Variants in TRIML2 observed in about 807,000 individuals in gnomAD.
TRIML2 encodes the protein probable E3 ubiquitin-protein ligase TRIML2.
In TRIML2, 28 loss-of-function variants were observed where a neutral mutation model predicts 31.2. The observed-to-expected ratio is 0.90, with a 90% CI of 0.66 to 1.23. TRIML2 has a LOEUF of 1.23. Ranked by LOEUF, TRIML2 falls within the 50% of genes most tolerant of loss-of-function variation. The pLI, the probability that TRIML2 is intolerant of heterozygous loss-of-function variation, is 0.00. For missense variants in TRIML2, 536 were observed against 528.3 expected (o/e 1.01, Z -0.14); for synonymous variants, 187 against 197.5 (o/e 0.95, Z 0.45).
rs1258565430 is a variant in TRIML2 at position 188,095,810 on chromosome 4, AAGGAT to A, written c.745+1246_745+1250del. On this transcript the variant is annotated intron_variant, in intron 7 of 7. Transcript: ENST00000682553. ...ACAACCCATGTCCGTAGAATTGCAA[AAGGAT>A]AAGTAAATTATGGTATATTTATACA... is the stretch of plus-strand genomic sequence containing the variant. Among the ~76,000 whole-genome samples, 3 of 152,222 alleles carry A rather than the reference AAGGAT, an allele frequency of 2.0e-5. No homozygotes were observed. In the East Asian group the frequency reaches 5.8e-4, roughly 29 times the overall value.
rs1733562098 is a variant in TRIML2, at chr4:188,097,304, T to C, written c.644+20A>G. On this transcript the variant is annotated intron_variant, in intron 6 of 7. Transcript: ENST00000682553. ...CTGGACTCTGATTCTCACCCAATTG[T>C]ATCCAAAATGAAAACTCACCTTTCT... 6.2e-7 allele frequency: 1 copy of C among 1,613,310 alleles called. No homozygotes were observed. Among genetic ancestry groups the C allele is most frequent in the Non-Finnish European group, 8.5e-7 (1 of 1,179,442 alleles).
At position 188,106,972 on chromosome 4, in the gene TRIML2, GA is replaced by G. The variant is rs200723986; in HGVS notation, c.-222-1383del. On this transcript the variant is annotated intron_variant, in intron 1 of 7. Transcript: ENST00000682553. ...CTCTATTAAAAAAGCCACTTAGCTC[GA>G]AAACTTTTTTCTCAGAAAAATGTTT... The G allele has an allele frequency of 3.6e-4, 64 of 175,512 alleles. No homozygotes were observed. In the East Asian group the frequency reaches 9.4e-3, roughly 26 times the overall value. 10.9% of individuals were successfully genotyped at this position (175,512 alleles called of 1,614,324 possible).
At chr4:188,098,127 A>C in intron 5 of TRIML2, 1 of 264,706 alleles carries the variant, frequency 3.8e-6, no homozygotes, top group Non-Finnish European at 7.8e-6. Context: ...CTCGGGGAAA[A>C]AAAAAAAAAA....
chr4:188,102,122 T>A (rs772809307), intron 3 of TRIML2, among the ~76,000 whole-genome samples: 453 of 125,870 alleles, frequency 3.6e-3, no homozygotes, highest in Admixed American at 6.1e-3. Context: ...AGAGGGAGAC[T>A]CCATCTTAAA....
intron 7 of TRIML2, among the ~76,000 whole-genome samples, chr4:188,092,165 A>T (rs928450774): frequency 6.6e-6 from 1 of 152,070 alleles, no homozygotes; most frequent in Admixed American, 6.6e-5. Flanking sequence ...AGTCTACCTG[A>T]GCGGGAAGAA....
At position 188,091,395 on chromosome 4, in the gene TRIML2, C is replaced by T. The variant is rs761657088; in HGVS notation, c.1292G>A (p.Cys431Tyr). The T allele has an allele frequency of 7.4e-6, 12 of 1,613,842 alleles. No individual in the cohort carries two copies. The highest frequency in any genetic ancestry group is 8.5e-6 in the Non-Finnish European group (10 of 1,179,776). Residue 431 changes from cysteine to tyrosine, a missense_variant, in exon 8 of 8, where the codon TGT (cysteine) becomes TAT (tyrosine). Coordinates refer to ENST00000682553, the MANE Select transcript of TRIML2 (RefSeq NM_173553.4). The part of the protein sequence containing the change: ...SLTILQHGPS[C>Y]DATVSP Reference sequence around the variant, plus strand: ...AGATTAAGGGCTAACAGTAGCATCACAAGAAGGACCATGTTGTAAGATGGT... The same window carrying T: ...AGATTAAGGGCTAACAGTAGCATCATAAGAAGGACCATGTTGTAAGATGGT...
At chr4:188,103,005 G>GTTTTTTT (rs145048322) in intron 3 of TRIML2, among the ~76,000 whole-genome samples, 7 of 97,872 alleles carry the variant, frequency 7.2e-5, no homozygotes, top group African/African-American at 1.6e-4. Context: ...TACTCTCTTG[G>GTTTTTTT]TTTTTTTTTT....
chr4:188,103,018 T>TG (rs1733868333), intron 3 of TRIML2, among the ~76,000 whole-genome samples: 8 of 113,496 alleles, frequency 7.0e-5, no homozygotes, highest in African/African-American at 1.6e-4. Flanking sequence ...TTTTTTTTTT[T>TG]TTTTTTTTTT....
rs954322953 is a variant in TRIML2, at chr4:188,098,348, T to C, written c.621+687A>G. On this transcript the variant is annotated intron_variant, in intron 5 of 7. Coordinates refer to ENST00000682553, the MANE Select transcript of TRIML2 (RefSeq NM_173553.4). ...AGCCTCCATCTCCAGCCTCACAAGC[T>C]GAAGGGGTGAGGTCTTCCTCGGCCT... The C allele has an allele frequency of 3.6e-5, 14 of 392,240 alleles. No homozygotes were observed. In the Admixed American group the frequency reaches 4.3e-4, roughly 12 times the overall value. 24.3% of individuals were successfully genotyped at this position (392,240 alleles called of 1,614,324 possible).
In TRIML2 at chr4:188,101,094, C is replaced by T. The variant is rs1733764230; in HGVS notation, c.442G>A (p.Ala148Thr). The T allele has an allele frequency of 6.2e-7, 1 of 1,613,292 alleles. No homozygotes were observed. Reference protein sequence around the residue: ...ETLLNQAIKLATELEEMFQEM... With the variant: ...ETLLNQAIKLTTELEEMFQEM... ...TGGAACATCTCCTCTAGCTCGGTGG[C>T]AAGCTTGATCGCTTGATTCAGAAGG... Residue 148 changes from alanine to threonine, a missense_variant, in exon 4 of 8, where the codon GCC (alanine) becomes ACC (threonine). Transcript: ENST00000682553.
At position 188,105,429 on chromosome 4, in the gene TRIML2, A is replaced by G. The variant is rs2111190556; in HGVS notation, c.-61T>C. 1 of 1,262,744 alleles carries G rather than the reference A, an allele frequency of 7.9e-7. No homozygotes were observed. Among genetic ancestry groups the G allele is most frequent in the South Asian group, 1.9e-5 (1 of 52,402 alleles). 78.2% of individuals were successfully genotyped at this position (1,262,744 alleles called of 1,614,324 possible). A position where few individuals can be genotyped will look rare whatever the true frequency, so the allele number is the denominator to read the frequency against. ...TGCTTCTACTGAGGTATCTCCCTGCACTGTGAATGAGAAAAAATGGTGGCT... is the reference window on the plus strand; with the variant it reads ...TGCTTCTACTGAGGTATCTCCCTGCGCTGTGAATGAGAAAAAATGGTGGCT... On this transcript the variant is annotated 5_prime_UTR_variant, in exon 2 of 8. Transcript: ENST00000682553.
intron 5 of TRIML2, 148 bp downstream of exon 5, chr4:188,098,887 T>C (rs1182735024): frequency 1.1e-5 from 10 of 870,498 alleles, no homozygotes; most frequent in Middle Eastern, 3.5e-4. Context: ...CTAAAGCTTT[T>C]GGCAGCTGAA....
At chr4:188,108,273 G>T (rs1401109122) in intron 1 of TRIML2, among the ~76,000 whole-genome samples, 1 of 152,032 alleles carries the variant, frequency 6.6e-6, no homozygotes, top group African/African-American at 2.4e-5. Flanking sequence ...TCAATCTCCT[G>T]CCCAATTCCC....
intron 1 of TRIML2, among the ~76,000 whole-genome samples, chr4:188,107,142 G>A (rs1228590102): frequency 2.6e-5 from 4 of 152,050 alleles, no homozygotes; most frequent in Admixed American, 6.6e-5. Context: ...AGCCTCCCGA[G>A]TAGCTGGGAC....
chr4:188,097,709 C>A (rs1381716307), intron 5 of TRIML2, among the ~76,000 whole-genome samples: 2 of 152,142 alleles, frequency 1.3e-5, no homozygotes. Flanking sequence ...CCAGGCAGAG[C>A]CACACCTGCC....
intron 3 of TRIML2, among the ~76,000 whole-genome samples, chr4:188,101,860 G>A (rs1314371372): frequency 6.6e-6 from 1 of 151,964 alleles, no homozygotes; most frequent in East Asian, 2.0e-4. Context: ...GCTGGGCGCG[G>A]TGGTTCACGC....
intron 3 of TRIML2, among the ~76,000 whole-genome samples, chr4:188,101,651 G>A (rs922037336): frequency 2.6e-5 from 4 of 151,790 alleles, no homozygotes; most frequent in Admixed American, 2.0e-4. Context: ...CAGAGATTAC[G>A]CCACTGCACT....
At chr4:188,100,210 C>G (rs1285866615) in intron 4 of TRIML2, among the ~76,000 whole-genome samples, 2 of 152,130 alleles carry the variant, frequency 1.3e-5, no homozygotes, top group African/African-American at 2.4e-5. Flanking sequence ...ATTGTAACAT[C>G]TGCTACTCAT....
intron 7 of TRIML2, among the ~76,000 whole-genome samples, chr4:188,094,907 T>C (rs1186963899): frequency 6.6e-6 from 1 of 152,224 alleles, no homozygotes; most frequent in Non-Finnish European, 1.5e-5. Context: ...CAAGCCAGTG[T>C]GCTATTGGCA....
Sources: allele counts gnomAD v4.1 joint callset (sites outside exome capture counted in the v4.1 genomes callset), GRCh38; gene constraint gnomAD v4.1.1; transcripts MANE v1.5; gene names NCBI Gene and HGNC (gene_info 2026-07-23, HGNC 2026-07-21).